Variants in FRAS1 observed in about 807,000 individuals in gnomAD.
FRAS1 encodes the protein Fraser extracellular matrix complex subunit 1, also known as extracellular matrix organizing protein FRAS1.
In FRAS1, 290 loss-of-function variants were observed where a neutral mutation model predicts 435.2. The ratio of observed to expected loss-of-function variants is 0.67; its 90% CI spans 0.61 to 0.73. FRAS1 has a LOEUF of 0.73. Ranked by LOEUF, FRAS1 falls within the 30% of genes least tolerant of loss-of-function variation. FRAS1 has a pLI of 0.00. For missense variants in FRAS1, 4,860 were observed against 5,001.5 expected (o/e 0.97, Z 0.85); for synonymous variants, 1,800 against 1,851.0 (o/e 0.97, Z 0.71).
chr4:78,369,179 C>A (rs1428034122), intron 22 of FRAS1, among the ~76,000 whole-genome samples: 1 of 152,126 alleles, frequency 6.6e-6, no homozygotes, highest in Non-Finnish European at 1.5e-5. Flanking sequence ...CAGTGAGTAA[C>A]TGGATTAGGA....
rs778974154 is a variant in FRAS1, at chr4:78,515,900, A to T, written c.10276A>T (p.Ile3426Phe). ...FDPSVREPKT[I>F]QLYKHLNLKS... Reference sequence around the variant, plus strand: ...CCCCAGCGTGCGAGAGCCGAAGACCATCCAGCTCTACAAACACCTGAACCT... The same window carrying T: ...CCCCAGCGTGCGAGAGCCGAAGACCTTCCAGCTCTACAAACACCTGAACCT... The change falls in exon 66 of 74, where the codon ATC (isoleucine) becomes TTC (phenylalanine). Residue 3426 changes from isoleucine (I) to phenylalanine (F), a missense_variant. Coordinates refer to ENST00000512123, the MANE Select transcript of FRAS1 (RefSeq NM_025074.7). 6.2e-7 allele frequency: 1 copy of T among 1,614,010 alleles called. No individual in the cohort carries two copies. Among genetic ancestry groups the T allele is most frequent in the Non-Finnish European group, 8.5e-7 (1 of 1,179,878 alleles).
At position 78,540,796 on chromosome 4, in the gene FRAS1, C is replaced by T. The variant is rs750578354; in HGVS notation, c.11711C>T (p.Ala3904Val). Residue 3904 changes from alanine (A) to valine (V), a missense_variant, in exon 74 of 74, where the codon GCG becomes GTG. Coordinates refer to ENST00000512123, the MANE Select transcript of FRAS1 (RefSeq NM_025074.7). ...GCTGCGTCCCTGTCACAGACTGGGG[C>T]GTCCATTGGCAGTGCCCTGGCTGCA... ...AVAASLSQTG[A>V]SIGSALAAIM... is the part of the protein sequence containing the mutation. 3.7e-6 allele frequency: 6 copies of T among 1,613,756 alleles called. No homozygotes were observed. The highest frequency in any genetic ancestry group is 1.1e-5 in the South Asian group (1 of 91,066).
chr4:78,319,043 C>T, intron 18 of FRAS1, 57 bp downstream of exon 18: 1 of 1,525,166 alleles, frequency 6.6e-7, no homozygotes, highest in Non-Finnish European at 9.0e-7. Flanking sequence ...TTGAGAGATC[C>T]TGTGAGGTGG....
chr4:78,542,206 G>A lies in FRAS1; in HGVS notation c.*1082G>A, dbSNP rs919887087. ...GCTGTGTGTGACACAGCAGACAGAG[G>A]CACTATTCCTGGTGCAGTATTTCAG... On this transcript the variant is annotated 3_prime_UTR_variant, in exon 74 of 74. Transcript: ENST00000512123. 2 of 152,196 alleles carry A rather than the reference G, an allele frequency of 1.3e-5. No individual in the cohort carries two copies. The highest frequency in any genetic ancestry group is 6.5e-5 in the Admixed American group (1 of 15,272). 9.4% of individuals were successfully genotyped at this position (152,196 alleles called of 1,614,324 possible). A position where few individuals can be genotyped will look rare whatever the true frequency, so the allele number is the denominator to read the frequency against.
intron 18 of FRAS1, among the ~76,000 whole-genome samples, chr4:78,328,840 C>T (rs1397094866): frequency 1.3e-5 from 2 of 152,140 alleles, no homozygotes; most frequent in African/African-American, 4.8e-5. Context: ...CTGGAGGCTA[C>T]TTATTTTATT....
intron 3 of FRAS1, among the ~76,000 whole-genome samples, chr4:78,238,647 TG>T (rs1724865212): frequency 6.6e-6 from 1 of 152,146 alleles, no homozygotes; most frequent in Admixed American, 6.5e-5. Context: ...TTGTATATTA[TG>T]GAGCTTTATG....
chr4:78,118,914 G>A (rs973482432), intron 2 of FRAS1, among the ~76,000 whole-genome samples: 3 of 152,166 alleles, frequency 2.0e-5, no homozygotes, highest in South Asian at 2.1e-4. Flanking sequence ...CATCACTCAC[G>A]CTGGGAGCTG....
chr4:78,282,445 T>G (rs1727373177), intron 11 of FRAS1, among the ~76,000 whole-genome samples: 1 of 152,208 alleles, frequency 6.6e-6, no homozygotes, highest in African/African-American at 2.4e-5. Flanking sequence ...TGTATTTAAC[T>G]CACCTGCTAA....
In FRAS1 at chr4:78,325,968, A is replaced by G. The variant is rs183324841; in HGVS notation, c.2137+6982A>G. Among the ~76,000 whole-genome samples the G allele has an allele frequency of 2.0e-4, 31 of 152,344 alleles. No individual in the cohort carries two copies. The East Asian group carries it at 4.2e-3, about 21-fold the overall frequency. ...GAAGTACAGCGTGTTTGGTATTCTT[A>G]TAGTATAAAGTCCAAAGAGGAGAAT... On this transcript the variant is annotated intron_variant, in intron 18 of 73. Coordinates refer to ENST00000512123, the MANE Select transcript of FRAS1 (RefSeq NM_025074.7).
chr4:78,174,003 G>T (rs182342224), intron 2 of FRAS1, among the ~76,000 whole-genome samples: 14 of 152,298 alleles, frequency 9.2e-5, no homozygotes, highest in African/African-American at 3.1e-4. Flanking sequence ...TGGGTGCTAC[G>T]TGACTAACTC....
At chr4:78,325,908 G>A (rs1042251692) in intron 18 of FRAS1, among the ~76,000 whole-genome samples, 1 of 152,174 alleles carries the variant, frequency 6.6e-6, no homozygotes, top group Non-Finnish European at 1.5e-5. Context: ...GGCATTCTAG[G>A]CCAAGAAAAC....
chr4:78,359,462 T>A (rs1730992317), intron 20 of FRAS1, among the ~76,000 whole-genome samples: 1 of 151,938 alleles, frequency 6.6e-6, no homozygotes, highest in Non-Finnish European at 1.5e-5. Context: ...TTTTGGGGAC[T>A]TATTATTCTT....
At chr4:78,267,974 G>T (rs138365605) in intron 9 of FRAS1, among the ~76,000 whole-genome samples, 1 of 152,340 alleles carries the variant, frequency 6.6e-6, no homozygotes, top group African/African-American at 2.4e-5. Context: ...GTTAACCTCT[G>T]CTGTCTGCAG....
intron 23 of FRAS1, 44 bp from the exon 24 acceptor site, chr4:78,372,674 G>T (rs777763479): frequency 1.2e-5 from 20 of 1,607,948 alleles, no homozygotes; most frequent in Non-Finnish European, 1.6e-5. Context: ...TGGGTCTGAG[G>T]GTGGACAGAA....
chr4:78,070,951 G>T (rs146987964), intron 2 of FRAS1: 4 of 152,268 alleles, frequency 2.6e-5, no homozygotes, highest in African/African-American at 7.2e-5. Flanking sequence ...GCTCAATAAA[G>T]GTTGGCTGCT....
intron 9 of FRAS1, among the ~76,000 whole-genome samples, chr4:78,269,247 G>A (rs563203619): frequency 1.3e-5 from 2 of 152,338 alleles, no homozygotes; most frequent in South Asian, 4.1e-4. Context: ...TTTTTGGGAA[G>A]TCAGATATGT....
intron 2 of FRAS1, among the ~76,000 whole-genome samples, chr4:78,188,718 G>A (rs959215232): frequency 4.6e-5 from 7 of 152,044 alleles, no homozygotes; most frequent in African/African-American, 1.7e-4. Context: ...ATCACATAAG[G>A]GTTTTTGCAC....
At chr4:78,166,423 A>C (rs567809947) in intron 2 of FRAS1, among the ~76,000 whole-genome samples, 3 of 152,282 alleles carry the variant, frequency 2.0e-5, no homozygotes, top group Non-Finnish European at 4.4e-5. Context: ...CTGGACTAAT[A>C]AGACTTTTCT....
chr4:78,266,232 T>C (rs1223788837), intron 7 of FRAS1, among the ~76,000 whole-genome samples: 5 of 152,204 alleles, frequency 3.3e-5, no homozygotes. Context: ...ACCCTTAACA[T>C]GTTGGCATTT....
Sources: gnomAD v4.1 joint callset for allele counts (sites outside exome capture counted in the v4.1 genomes callset) on GRCh38, gnomAD v4.1.1 for gene constraint, MANE v1.5 for transcripts, NCBI Gene and HGNC (gene_info 2026-07-23, HGNC 2026-07-21) for gene names.